The following ACVR1 variants were observed in gnomAD, a reference collection of about 807,000 sequenced individuals.
ACVR1 encodes the protein activin receptor type-1.
ACVR1 carries 38 observed loss-of-function variants against 57.1 expected under a neutral mutation model. The observed-to-expected ratio is 0.67, with a 90% CI of 0.51 to 0.87. The LOEUF is 0.87. ACVR1 is among the 40% of genes least tolerant of loss of function. The pLI, the probability that ACVR1 is intolerant of heterozygous loss-of-function variation, is 0.00. For missense variants in ACVR1, 463 were observed against 638.2 expected (o/e 0.73, Z 2.96); for synonymous variants, 212 against 228.1 (o/e 0.93, Z 0.63).
At chr2:157,829,204 A>C (rs1020570093) in intron 1 of ACVR1, among the ~76,000 whole-genome samples, 2 of 152,350 alleles carry the variant, frequency 1.3e-5, no homozygotes, top group Non-Finnish European at 2.9e-5. Context: ...GCAAAAGAAT[A>C]CATCCAGGTT....
intron 9 of ACVR1, among the ~76,000 whole-genome samples, chr2:157,743,049 C>T (rs1286363859): frequency 1.3e-5 from 2 of 152,168 alleles, no homozygotes; most frequent in African/African-American, 4.8e-5. Flanking sequence ...CTTCACATAC[C>T]TGGACATCAG....
chr2:157,806,754 G>T (rs368890677), intron 2 of ACVR1: 2 of 152,202 alleles, frequency 1.3e-5, no homozygotes, highest in East Asian at 3.9e-4. Context: ...GTTAAGTCAG[G>T]GTCTTTTCTA....
At chr2:157,745,037 T>C (rs1009151656) in intron 9 of ACVR1, among the ~76,000 whole-genome samples, 1 of 152,250 alleles carries the variant, frequency 6.6e-6, no homozygotes, top group Non-Finnish European at 1.5e-5. Flanking sequence ...TACGGAGCCA[T>C]GTACATTACT....
At chr2:157,809,747 T>TA (rs1395195455) in intron 2 of ACVR1, among the ~76,000 whole-genome samples, 1 of 152,124 alleles carries the variant, frequency 6.6e-6, no homozygotes, top group East Asian at 1.9e-4. Flanking sequence ...AGAAAGCCGA[T>TA]AGAGTAGAAA....
chr2:157,766,666 C>A (rs1191673278), intron 7 of ACVR1, among the ~76,000 whole-genome samples: 2 of 152,136 alleles, frequency 1.3e-5, no homozygotes, highest in Admixed American at 6.5e-5. Flanking sequence ...CCTATATCTG[C>A]TCAGATGTAA....
At chr2:157,792,520 C>T (rs1686956234) in intron 3 of ACVR1, among the ~76,000 whole-genome samples, 1 of 152,178 alleles carries the variant, frequency 6.6e-6, no homozygotes. Context: ...GAGGAATACA[C>T]CAGATGACCT....
chr2:157,821,408 C>T (rs1216598493), intron 1 of ACVR1, among the ~76,000 whole-genome samples: 1 of 152,054 alleles, frequency 6.6e-6, no homozygotes, highest in Admixed American at 6.5e-5. Flanking sequence ...ACCTGTAATC[C>T]TAGCTACTCG....
intron 9 of ACVR1, among the ~76,000 whole-genome samples, chr2:157,751,913 T>C (rs913577885): frequency 3.3e-5 from 5 of 152,172 alleles, no homozygotes; most frequent in African/African-American, 1.2e-4. Context: ...GGGAGTTCTA[T>C]GGCCCTGCCC....
intron 9 of ACVR1, among the ~76,000 whole-genome samples, chr2:157,739,033 T>G (rs1684645425): frequency 6.6e-6 from 1 of 152,204 alleles, no homozygotes; most frequent in South Asian, 2.1e-4. Context: ...ACCAAGACCA[T>G]CATCAAAATA....
intron 9 of ACVR1, among the ~76,000 whole-genome samples, chr2:157,754,981 C>A (rs1355217962): frequency 1.3e-5 from 2 of 152,008 alleles, no homozygotes. Context: ...ATGTCATACA[C>A]CACATAAACA....
intron 2 of ACVR1, among the ~76,000 whole-genome samples, chr2:157,802,187 G>GT (rs1687349520): frequency 6.6e-6 from 1 of 152,178 alleles, no homozygotes; most frequent in Non-Finnish European, 1.5e-5. Context: ...TAGGAAAAGG[G>GT]TAAGTGTGTT....
intron 10 of ACVR1, 132 bp downstream of exon 10, chr2:157,738,308 A>G: frequency 2.9e-6 from 4 of 1,367,186 alleles, no homozygotes; most frequent in Admixed American, 1.7e-5. Flanking sequence ...AAACCCTTCT[A>G]TATAAAATAG....
chr2:157,825,468 C>A (rs758500583), intron 1 of ACVR1, among the ~76,000 whole-genome samples: 11 of 152,078 alleles, frequency 7.2e-5, no homozygotes, highest in African/African-American at 2.7e-4. Flanking sequence ...GGAACCCGGC[C>A]GCACAGCAGA....
At chr2:157,750,010 G>A (rs1001432817) in intron 9 of ACVR1, among the ~76,000 whole-genome samples, 1 of 152,178 alleles carries the variant, frequency 6.6e-6, no homozygotes, top group Non-Finnish European at 1.5e-5. Context: ...ATACCTTCTG[G>A]GGGATTGAGG....
At chr2:157,766,295 C>T in intron 7 of ACVR1, 99 bp from the exon 8 acceptor site, 1 of 1,277,536 alleles carries the variant, frequency 7.8e-7, no homozygotes, top group South Asian at 1.3e-5. Flanking sequence ...TCATCTGTAA[C>T]AAAAAGTAAT....
rs530198395 is a variant in ACVR1, at chr2:157,817,828, G to A, written c.-8+557C>T. ...AGCCTGGCCAATATGGTGAAACCCC[G>A]TCTCTACTAATAATACAAAAAAAAT... On this transcript the variant is annotated intron_variant, in intron 2 of 10. Transcript: ENST00000434821. 8.6e-5 allele frequency among the ~76,000 whole-genome samples: 13 copies of A among 151,992 alleles called. No individual in the cohort carries two copies. The South Asian group carries it at 2.1e-3, about 24-fold the overall frequency.
intron 1 of ACVR1, among the ~76,000 whole-genome samples, chr2:157,867,471 T>G (rs1689978574): frequency 6.6e-6 from 1 of 152,112 alleles, no homozygotes; most frequent in African/African-American, 2.4e-5. Flanking sequence ...CGAGCCTCAG[T>G]GTCTGGGAGA....
chr2:157,855,310 A>T (rs868423235), intron 1 of ACVR1, among the ~76,000 whole-genome samples: 1 of 40,118 alleles, frequency 2.5e-5, no homozygotes, highest in African/African-American at 6.5e-5. Flanking sequence ...GTGTGTGTGT[A>T]TATATATATA....
At chr2:157,873,511 A>G (rs1290928452) in intron 1 of ACVR1, among the ~76,000 whole-genome samples, 2 of 152,268 alleles carry the variant, frequency 1.3e-5, no homozygotes, top group African/African-American at 4.8e-5. Flanking sequence ...TCACATAAAA[A>G]TAAATCAAGA....
Sources: gnomAD v4.1 joint callset for allele counts (sites outside exome capture counted in the v4.1 genomes callset) on GRCh38, gnomAD v4.1.1 for gene constraint, MANE v1.5 for transcripts, NCBI Gene and HGNC (gene_info 2026-07-23, HGNC 2026-07-21) for gene names.